Variants in CLK2 observed in about 807,000 individuals in gnomAD.
The protein encoded by CLK2 is CDC like kinase 2, also known as dual specificity protein kinase CLK2.
Under a neutral mutation model 73.5 loss-of-function variants are expected in CLK2, and 12 were observed. The ratio of observed to expected loss-of-function variants is 0.16; its 90% CI spans 0.10 to 0.26. CLK2 has a LOEUF of 0.26. CLK2 is among the 10% of genes least tolerant of loss of function. The pLI is 1.00. For missense variants in CLK2, 509 were observed against 688.4 expected (o/e 0.74, Z 2.92); for synonymous variants, 232 against 237.9 (o/e 0.98, Z 0.23).
intron 1 of CLK2, among the ~76,000 whole-genome samples, chr1:155,272,635 G>T (rs532597643): frequency 6.6e-6 from 1 of 152,084 alleles, no homozygotes; most frequent in Non-Finnish European, 1.5e-5. Context: ...CATTCTTGGT[G>T]TAACTGGGGC....
intron 12 of CLK2, 144 bp downstream of exon 12, chr1:155,263,806 C>T: frequency 7.2e-7 from 1 of 1,398,072 alleles, no homozygotes; most frequent in Non-Finnish European, 9.7e-7. Flanking sequence ...TATGTTTCCT[C>T]TGTTGACCAA....
At position 155,268,085 on chromosome 1, in the gene CLK2, T is replaced by A. The variant is rs1673318251; in HGVS notation, c.596A>T (p.Glu199Val). 1 of 1,614,154 alleles carries A rather than the reference T, an allele frequency of 6.2e-7. No homozygotes were observed. ...RVALKIIKNV[E>V]KYKEAARLEI... ...AAGTCGAGCTGCTTCCTTGTACTTC[T>A]CCACATTCTTAATGATCTTCAGGGC... Residue 199 changes from glutamate to valine, a missense_variant, in exon 6 of 13, where the codon GAG (glutamate) becomes GTG (valine). Transcript: ENST00000368361. This position sits in a 1 kb window ranked among gnomAD's most constrained non-coding sequence, Gnocchi z 5.6.
rs181385977 is a variant in CLK2 at position 155,263,870 on chromosome 1, G to A, written c.1317+80C>T. 2.1e-3 allele frequency: 3,059 copies of A among 1,437,038 alleles called. 6 individuals are homozygous for A. The highest frequency in any genetic ancestry group is 2.5e-3 in the Non-Finnish European group (2,596 of 1,029,774). 89.0% of individuals were successfully genotyped at this position (1,437,038 alleles called of 1,614,324 possible). ...CCTTTCCTAACCCTCTGCTTGTGAA[G>A]AGCATTCCAGGGGGCAAACCACCCT... On this transcript the variant is annotated intron_variant, in intron 12 of 12. Transcript: ENST00000368361.
chr1:155,268,196 G>C lies in CLK2; in HGVS notation c.555-70C>G. 2 of 1,553,368 alleles carry C rather than the reference G, an allele frequency of 1.3e-6. No individual in the cohort carries two copies. Among genetic ancestry groups the C allele is most frequent in the Non-Finnish European group, 1.8e-6 (2 of 1,125,066 alleles). The stretch of plus-strand genomic sequence containing the variant: ...CTCAAAATGAACAGGGCTGTAGGGG[G>C]ACTAAGAAATTCTACCTCAGGTTAA... On this transcript the variant is annotated intron_variant, in intron 5 of 12. Coordinates refer to ENST00000368361, the MANE Select transcript of CLK2 (RefSeq NM_001294338.2). This position sits in a 1 kb window ranked among gnomAD's most constrained non-coding sequence, Gnocchi z 5.6.
chr1:155,273,308 C>T lies in CLK2; in HGVS notation c.-108G>A, dbSNP rs2148151548. On this transcript the variant is annotated 5_prime_UTR_variant, in exon 1 of 13. Coordinates refer to ENST00000368361, the MANE Select transcript of CLK2 (RefSeq NM_001294338.2). ...CGCGGCGACGAAATGCTGCTCCACC[C>T]CCCCAACCCGGGACCCTGGGACCTC... 1 of 152,536 alleles carries T rather than the reference C, an allele frequency of 6.6e-6. No homozygotes were observed. Among genetic ancestry groups the T allele is most frequent in the Non-Finnish European group, 1.5e-5 (1 of 68,178 alleles). The allele number at this position is 152,536 out of a possible 1,614,324, so 9.4% of individuals were successfully genotyped here. A position where few individuals can be genotyped will look rare whatever the true frequency, so the allele number is the denominator to read the frequency against.
Position 155,264,490 on chromosome 1 carries a change from T to A in CLK2, c.1124A>T (p.Tyr375Phe), listed in dbSNP as rs761763945. 1 of 1,614,166 alleles carries A rather than the reference T, an allele frequency of 6.2e-7. No homozygotes were observed. Among genetic ancestry groups the A allele is most frequent in the South Asian group, 1.1e-5 (1 of 91,076 alleles). The stretch of plus-strand genomic sequence containing the variant: ...TACCTGGAAGAGGGTGAATCCCACA[T>A]AGTATTCAAAGATGATGCAGCCTAT... Reference protein sequence around the residue: ...WSIGCIIFEYYVGFTLFQTHD... With the variant: ...WSIGCIIFEYFVGFTLFQTHD... Residue 375 changes from tyrosine (Y) to phenylalanine (F), a missense_variant, in exon 10 of 13, where the codon TAT becomes TTT. This residue lies in a region of CLK2 where 48 missense variants were observed against 144.9 expected (regional missense o/e 0.33). Coordinates refer to ENST00000368361, the MANE Select transcript of CLK2 (RefSeq NM_001294338.2).
Position 155,268,233 on chromosome 1 carries a change from GCCCCATATAA to G in CLK2, c.554+50_554+59del. ...CTACCTCAGGTTAATTAGCAAAAAA[GCCCCATATAA>G]CCCCAACCATCTCTTTAGCCCCACA... On this transcript the variant is annotated intron_variant, in intron 5 of 12. Transcript: ENST00000368361. The surrounding 1 kb of genome is among the most constrained non-coding windows in gnomAD (Gnocchi z 5.6). 2.5e-6 allele frequency: 4 copies of G among 1,569,032 alleles called. No individual in the cohort carries two copies. In the South Asian group the frequency reaches 4.4e-5, roughly 17 times the overall value.
Position 155,269,625 on chromosome 1 carries a change from C to T in CLK2, c.262G>A (p.Asp88Asn). ...RRNDYSRDRGDAYYDTDYRHS... is the reference protein window; with the variant it reads ...RRNDYSRDRGNAYYDTDYRHS... Reference sequence around the variant, plus strand: ...CGATAGTCTGTGTCATAGTAGGCATCTCCCCGATCCCGGCTATAATCGTTG... The same window carrying T: ...CGATAGTCTGTGTCATAGTAGGCATTTCCCCGATCCCGGCTATAATCGTTG... Residue 88 changes from aspartate to asparagine, a missense_variant, in exon 3 of 13, where the codon GAT becomes AAT. This residue lies in a region of CLK2 where 222 missense variants were observed against 221.7 expected (regional missense o/e 1.00). Coordinates refer to ENST00000368361, the MANE Select transcript of CLK2 (RefSeq NM_001294338.2). 1 of 1,614,254 alleles carries T rather than the reference C, an allele frequency of 6.2e-7. No homozygotes were observed. Among genetic ancestry groups the T allele is most frequent in the Non-Finnish European group, 8.5e-7 (1 of 1,180,048 alleles).
At position 155,264,758 on chromosome 1, in the gene CLK2, C is replaced by T; in HGVS notation, c.950G>A (p.Ser317Asn). The T allele has an allele frequency of 6.2e-7, 1 of 1,614,248 alleles. No homozygotes were observed. Among genetic ancestry groups the T allele is most frequent in the Non-Finnish European group, 8.5e-7 (1 of 1,180,038 alleles). ...CACCCGCACAGCTGTGCTCTTCACACTGCGCTCATCTCGCTTCTAGGAGCA... is the reference window on the plus strand; with the variant it reads ...CACCCGCACAGCTGTGCTCTTCACATTGCGCTCATCTCGCTTCTAGGAGCA... ...YNLEKKRDER[S>N]VKSTAVRVVD... The change falls in exon 9 of 13, where the codon AGT becomes AAT. Residue 317 changes from serine (S) to asparagine (N), a missense_variant. Ser to Asn is a conservative substitution (Grantham distance 46, BLOSUM62 1). Transcript: ENST00000368361.
At position 155,264,477 on chromosome 1, in the gene CLK2, G is replaced by C. The variant is rs780217124; in HGVS notation, c.1137C>G (p.Thr379=). Residue 379 remains threonine, a synonymous_variant, in exon 10 of 13, where the codon ACC becomes ACG. Transcript: ENST00000368361. ...CIIFEYYVGF[T]LFQTHDNREH... Reference sequence around the variant, plus strand: ...ACATCCCATCACTTACCTGGAAGAGGGTGAATCCCACATAGTATTCAAAGA... The same window carrying C: ...ACATCCCATCACTTACCTGGAAGAGCGTGAATCCCACATAGTATTCAAAGA... The C allele has an allele frequency of 6.2e-7, 1 of 1,613,838 alleles. No individual in the cohort carries two copies. The highest frequency in any genetic ancestry group is 8.5e-7 in the Non-Finnish European group (1 of 1,179,740).
intron 1 of CLK2, among the ~76,000 whole-genome samples, chr1:155,272,198 TAG>T (rs1673545193): frequency 1.3e-5 from 2 of 152,124 alleles, no homozygotes; most frequent in South Asian, 4.1e-4. Context: ...GTATTTTTAG[TAG>T]AGACAGGGTT....
At position 155,262,904 on chromosome 1, in the gene CLK2, A is replaced by C. The variant is rs1158112487; in HGVS notation, c.*314T>G. On this transcript the variant is annotated 3_prime_UTR_variant, in exon 13 of 13. Coordinates refer to ENST00000368361, the MANE Select transcript of CLK2 (RefSeq NM_001294338.2). ...TGAAGCACGTTATTTTATTTCACAAAGACTGTACAAAATTCCTTATAAAAC... is the reference window on the plus strand; with the variant it reads ...TGAAGCACGTTATTTTATTTCACAACGACTGTACAAAATTCCTTATAAAAC... 5 of 297,100 alleles carry C rather than the reference A, an allele frequency of 1.7e-5. No individual in the cohort carries two copies. The highest frequency in any genetic ancestry group is 1.1e-4 in the African/African-American group (5 of 46,326). 18.4% of individuals were successfully genotyped at this position (297,100 alleles called of 1,614,324 possible).
intron 2 of CLK2, among the ~76,000 whole-genome samples, chr1:155,270,159 G>C (rs929711495): frequency 8.0e-5 from 12 of 150,744 alleles, no homozygotes; most frequent in Admixed American, 4.7e-4. Flanking sequence ...TTGAGGTCAG[G>C]AGTTTGAGGC....
At position 155,264,900 on chromosome 1, in the gene CLK2, G is replaced by A. The variant is rs1313256834; in HGVS notation, c.934-126C>T. 2.6e-6 allele frequency: 3 copies of A among 1,166,618 alleles called. No homozygotes were observed. The African/African-American group carries it at 4.6e-5, about 18-fold the overall frequency. The allele number at this position is 1,166,618 out of a possible 1,614,324, so 72.3% of individuals were successfully genotyped here. Reference sequence around the variant, plus strand: ...TCCTGCCTGGCCTTACAAGCCCTGGGAAATTCCTGTTTTACAGCTTCCACC... The same window carrying A: ...TCCTGCCTGGCCTTACAAGCCCTGGAAAATTCCTGTTTTACAGCTTCCACC... On this transcript the variant is annotated intron_variant, in intron 8 of 12. Transcript: ENST00000368361.
Position 155,264,628 on chromosome 1 carries a change from GCCTTGC to G in CLK2, c.1063+11_1063+16del. 1 of 1,614,228 alleles carries G rather than the reference GCCTTGC, an allele frequency of 6.2e-7. No individual in the cohort carries two copies. The highest frequency in any genetic ancestry group is 8.5e-7 in the Non-Finnish European group (1 of 1,180,042). ...TCACATCATCTCACACACTTGGACA[GCCTTGC>G]CCTCCCTTACCAAGGATGACTTCTG... On this transcript the variant is annotated intron_variant, in intron 9 of 12. Coordinates refer to ENST00000368361, the MANE Select transcript of CLK2 (RefSeq NM_001294338.2).
chr1:155,269,079 G>A, intron 3 of CLK2: 1 of 588,898 alleles, frequency 1.7e-6, no homozygotes. Context: ...ACAACCCCAT[G>A]CTCTACACAA....
chr1:155,263,421 A>G (rs1318642104), intron 12 of CLK2, 21 bp from the exon 13 acceptor site: 4 of 1,613,310 alleles, frequency 2.5e-6, no homozygotes, highest in African/African-American at 2.7e-5. Flanking sequence ...AGGGCAGGAA[A>G]AAGGTGAGGC....
At chr1:155,266,976 T>C in intron 6 of CLK2, 81 bp from the exon 7 acceptor site, 5 of 1,471,438 alleles carry the variant, frequency 3.4e-6, no homozygotes, top group Non-Finnish European at 3.7e-6. Context: ...AGGTACTTCA[T>C]AGCTGTTGAT....
At position 155,268,537 on chromosome 1, in the gene CLK2, C is replaced by A; in HGVS notation, c.487+171G>T. 1 of 778,588 alleles carries A rather than the reference C, an allele frequency of 1.3e-6. No individual in the cohort carries two copies. Among genetic ancestry groups the A allele is most frequent in the Non-Finnish European group, 2.2e-6 (1 of 455,588 alleles). 48.2% of individuals were successfully genotyped at this position (778,588 alleles called of 1,614,324 possible). A position where few individuals can be genotyped will look rare whatever the true frequency, so the allele number is the denominator to read the frequency against. ...TTCCCACCACCTTTAACCCAGGGGCCGTGAGAGCTGGGAGTGGACAACAGA... is the reference window on the plus strand; with the variant it reads ...TTCCCACCACCTTTAACCCAGGGGCAGTGAGAGCTGGGAGTGGACAACAGA... On this transcript the variant is annotated intron_variant, in intron 4 of 12. Transcript: ENST00000368361. This position sits in a 1 kb window ranked among gnomAD's most constrained non-coding sequence, Gnocchi z 5.6.
Sources: allele counts gnomAD v4.1 joint callset (sites outside exome capture counted in the v4.1 genomes callset), GRCh38; gene constraint gnomAD v4.1.1; regional missense constraint gnomAD v4.1.1; non-coding constraint Gnocchi (gnomAD v3.1); transcripts MANE v1.5; gene names NCBI Gene and HGNC (gene_info 2026-07-23, HGNC 2026-07-21).